The following UGT2B4 variants were observed in gnomAD, a reference collection of about 807,000 sequenced individuals.
UGT2B4 encodes the protein UDP-glucuronosyltransferase 2B4.
A neutral mutation model predicts 49.8 loss-of-function variants in UGT2B4; 49 were observed. The ratio of observed to expected loss-of-function variants is 0.98; its 90% CI spans 0.78 to 1.25. The LOEUF (loss-of-function observed/expected upper bound fraction) is 1.25. UGT2B4 is among the 50% of genes most tolerant of loss of function. UGT2B4 has a pLI of 0.00. For synonymous variants in UGT2B4, 246 were observed against 217.7 expected, an observed-to-expected ratio of 1.13 and a Z score of -1.14; for missense variants, 729 against 627.7, an observed-to-expected ratio of 1.16 and a Z score of -1.73.
chr4:69,510,601 C>A (rs548061443), intron 1 of UGT2B4, among the ~76,000 whole-genome samples: 1 of 152,120 alleles, frequency 6.6e-6, no homozygotes, highest in South Asian at 2.1e-4. Flanking sequence ...GTATAGGATT[C>A]TTTTTCTTAA....
chr4:69,500,602 C>CCAGA (rs1728281310), upstream of UGT2B4, among the ~76,000 whole-genome samples: 2 of 47,296 alleles, frequency 4.2e-5, no homozygotes, highest in Non-Finnish European at 8.4e-5. Context: ...AGCAAGAAAG[C>CCAGA]AAGGAAGAAA....
chr4:69,485,170 C>T lies in UGT2B4; in HGVS notation c.1310+38G>A, dbSNP rs373268328. 7.4e-5 allele frequency: 119 copies of T among 1,608,014 alleles called. 1 individual carries two copies. The highest frequency in any genetic ancestry group is 9.1e-5 in the Non-Finnish European group (107 of 1,175,000). ...ACTCACTATTCACAAGGGAACCTAT[C>T]TATAAAGACCACCGAGTAAAAAAAA... is the stretch of plus-strand genomic sequence containing the variant. On this transcript the variant is annotated intron_variant, in intron 5 of 5. Transcript: ENST00000305107.
At chr4:69,499,813 C>A (rs1243081247), upstream of UGT2B4, among the ~76,000 whole-genome samples, 1 of 152,096 alleles carries the variant, frequency 6.6e-6, no homozygotes, top group African/African-American at 2.4e-5. Context: ...GACTCTTTAT[C>A]CAGCTTGTCA....
rs1244399269 is a variant in UGT2B4 at position 69,485,361 on chromosome 4, T to C, written c.1157A>G (p.His386Arg). The C allele has an allele frequency of 6.2e-7, 1 of 1,614,020 alleles. No homozygotes were observed. Among genetic ancestry groups the C allele is most frequent in the Non-Finnish European group, 8.5e-7 (1 of 1,179,902 alleles). Residue 386 changes from histidine to arginine, a missense_variant, in exon 5 of 6, where the codon CAT becomes CGT. Transcript: ENST00000305107. ...GANGIYEAIY[H>R]GIPMVGVPLF... ...TGGAACGCCCACCATAGGGATTCCA[T>C]GGTAGATTGCCTCATAGATGCCATT...
intron 1 of UGT2B4, among the ~76,000 whole-genome samples, chr4:69,521,881 C>A (rs1416093267): frequency 6.6e-6 from 1 of 152,176 alleles, no homozygotes; most frequent in Non-Finnish European, 1.5e-5. Context: ...ATAACAATTA[C>A]CCATCATCAC....
intron 1 of UGT2B4, among the ~76,000 whole-genome samples, chr4:69,501,469 T>G (rs1004702579): frequency 1.3e-5 from 2 of 152,166 alleles, no homozygotes; most frequent in South Asian, 2.1e-4. Flanking sequence ...CTTTGCTGTT[T>G]GGGCGACTTA....
chr4:69,491,378 C>T (rs1727980953), intron 2 of UGT2B4, among the ~76,000 whole-genome samples: 1 of 151,608 alleles, frequency 6.6e-6, no homozygotes, highest in African/African-American at 2.4e-5. Flanking sequence ...GAATATTTTC[C>T]ATAAATATTA....
intron 1 of UGT2B4, among the ~76,000 whole-genome samples, chr4:69,518,785 G>T (rs542746352): frequency 6.6e-6 from 1 of 152,018 alleles, no homozygotes; most frequent in Non-Finnish European, 1.5e-5. Context: ...CACATTACTT[G>T]CTCACTTTGA....
At chr4:69,501,059 A>T (rs1400065263) in intron 1 of UGT2B4, among the ~76,000 whole-genome samples, 1 of 152,088 alleles carries the variant, frequency 6.6e-6, no homozygotes, top group Non-Finnish European at 1.5e-5. Context: ...CACCCTCACA[A>T]CACCTCACAG....
At chr4:69,523,020 G>A (rs1199241483) in intron 1 of UGT2B4, among the ~76,000 whole-genome samples, 1 of 152,114 alleles carries the variant, frequency 6.6e-6, no homozygotes, top group Non-Finnish European at 1.5e-5. Flanking sequence ...CAACAATTCA[G>A]TTACATCTTC....
rs201943087 is a variant in UGT2B4, at chr4:69,523,483, CTT to C, written c.-106+2202_-106+2203del. Among the ~76,000 whole-genome samples the C allele has an allele frequency of 2.0e-5, 3 of 151,998 alleles. No homozygotes were observed. The East Asian group carries it at 5.8e-4, about 29-fold the overall frequency. Reference sequence around the variant, plus strand: ...TGAGAGGTAAAATTTTGAAAGGAGTCTTTATTTTCTGAGCAATAGATCTCAAT... The same window carrying C: ...TGAGAGGTAAAATTTTGAAAGGAGTCTATTTTCTGAGCAATAGATCTCAAT... On this transcript the variant is annotated intron_variant, in intron 1 of 1. Transcript: ENST00000510114.
At chr4:69,500,310 G>A (rs1007230749), upstream of UGT2B4, among the ~76,000 whole-genome samples, 1 of 151,914 alleles carries the variant, frequency 6.6e-6, no homozygotes, top group Non-Finnish European at 1.5e-5. Flanking sequence ...TTCGGTGATG[G>A]GTTGATAGCT....
At chr4:69,512,996 T>A (rs1728646882) in intron 1 of UGT2B4, among the ~76,000 whole-genome samples, 1 of 152,310 alleles carries the variant, frequency 6.6e-6, no homozygotes, top group Admixed American at 6.5e-5. Flanking sequence ...CTTTGTCAGG[T>A]GGATAGATTG....
chr4:69,494,968 A>G (rs939225241), intron 1 of UGT2B4, among the ~76,000 whole-genome samples, 173 bp downstream of exon 1: 2 of 152,148 alleles, frequency 1.3e-5, no homozygotes, highest in African/African-American at 4.8e-5. Flanking sequence ...AACTGATCCT[A>G]TAATTTACAT....
upstream of UGT2B4, among the ~76,000 whole-genome samples, chr4:69,500,337 G>C (rs1397981651): frequency 6.6e-6 from 1 of 151,892 alleles, no homozygotes; most frequent in Non-Finnish European, 1.5e-5. Flanking sequence ...AACCACCATG[G>C]CACATATTTA....
intron 1 of UGT2B4, among the ~76,000 whole-genome samples, chr4:69,525,276 C>G (rs1401048237): frequency 1.3e-5 from 2 of 151,918 alleles, no homozygotes; most frequent in Non-Finnish European, 2.9e-5. Context: ...AAGTATGAGA[C>G]CATAAGGGCT....
chr4:69,495,236 T>C lies in UGT2B4; in HGVS notation c.626A>G (p.Glu209Gly). Residue 209 changes from glutamate (E) to glycine (G), a missense_variant, in exon 1 of 6, where the codon GAG becomes GGG. Transcript: ENST00000305107. ...CACATAGATCATATTTTTTACCCTC[T>C]CTATGAAAGTCATTTGGTCACTTAG... is the stretch of plus-strand genomic sequence containing the variant. ...SELSDQMTFIERVKNMIYVLY... is the reference protein window; with the variant it reads ...SELSDQMTFIGRVKNMIYVLY... 1.2e-6 allele frequency: 2 copies of C among 1,610,780 alleles called. No homozygotes were observed. The highest frequency in any genetic ancestry group is 1.7e-6 in the Non-Finnish European group (2 of 1,179,164).
At chr4:69,498,726 A>G (rs1728228003), upstream of UGT2B4, among the ~76,000 whole-genome samples, 1 of 151,884 alleles carries the variant, frequency 6.6e-6, no homozygotes, top group African/African-American at 2.4e-5. Context: ...CCCTTTTATC[A>G]TTTTTTATTG....
chr4:69,517,108 T>G (rs979002833), intron 1 of UGT2B4, among the ~76,000 whole-genome samples: 1 of 152,118 alleles, frequency 6.6e-6, no homozygotes, highest in African/African-American at 2.4e-5. Context: ...TTAGCTGAAA[T>G]GGAAAATAAT....
Sources: allele counts gnomAD v4.1 joint callset (sites outside exome capture counted in the v4.1 genomes callset), GRCh38; gene constraint gnomAD v4.1.1; transcripts MANE v1.5; gene names NCBI Gene and HGNC (gene_info 2026-07-23, HGNC 2026-07-21).